Variants in CBL observed in about 807,000 individuals in gnomAD.
CBL encodes E3 ubiquitin-protein ligase CBL.
Under a neutral mutation model 96.9 loss-of-function variants are expected in CBL, and 45 were observed. That is an observed-to-expected ratio of 0.46 (90% CI 0.37 to 0.60). The LOEUF is 0.60. Ranked by LOEUF, CBL falls within the 20% of genes least tolerant of loss-of-function variation. The pLI is 0.00. For synonymous variants in CBL, 420 were observed against 426.8 expected (o/e 0.98, Z 0.20); for missense variants, 1,024 against 1,143.5 (o/e 0.90, Z 1.51).
In CBL at chr11:119,232,707, AT is replaced by A. The variant is rs1358246056; in HGVS notation, c.443+13del. On this transcript the variant is annotated intron_variant, in intron 2 of 15. Transcript: ENST00000264033. The stretch of plus-strand genomic sequence containing the variant: ...AATTCTCAGCCTAGGTAATGGAGAA[AT>A]ACTACACAAATAATTATGCAGGTCT... The A allele has an allele frequency of 4.3e-6, 7 of 1,611,554 alleles. No homozygotes were observed. The highest frequency in any genetic ancestry group is 5.9e-6 in the Non-Finnish European group (7 of 1,179,364).
In CBL at chr11:119,219,192, A is replaced by C. The variant is rs973284426; in HGVS notation, c.195+12580A>C. Among the ~76,000 whole-genome samples, 13 of 152,278 alleles carry C rather than the reference A, an allele frequency of 8.5e-5. No homozygotes were observed. In the East Asian group the frequency reaches 9.6e-4, roughly 11 times the overall value. On this transcript the variant is annotated intron_variant, in intron 1 of 15. Transcript: ENST00000264033. Reference sequence around the variant, plus strand: ...CAGAAGTTGGAGACCAGCCTGGCCAACATGGTGATACCCTGTCTCTACTAA... The same window carrying C: ...CAGAAGTTGGAGACCAGCCTGGCCACCATGGTGATACCCTGTCTCTACTAA...
intron 11 of CBL, 108 bp from the exon 12 acceptor site, chr11:119,287,744 T>G: frequency 5.2e-6 from 4 of 773,220 alleles, no homozygotes; most frequent in Non-Finnish European, 6.9e-6. Context: ...GGCATGGCAT[T>G]GAGAGTTAGG....
rs1950108283 is a variant in CBL, at chr11:119,302,510, T to G, written c.*2729T>G. The G allele has an allele frequency of 4.3e-6, 1 of 232,734 alleles. No individual in the cohort carries two copies. Among genetic ancestry groups the G allele is most frequent in the African/African-American group, 2.2e-5 (1 of 45,318 alleles). 14.4% of individuals were successfully genotyped at this position (232,734 alleles called of 1,614,324 possible). ...TGCCATTTTGGGCAAGCCCTTCCGC[T>G]TGTCCCTTCCTAGTGGCTAATAAAG... On this transcript the variant is annotated 3_prime_UTR_variant, in exon 16 of 16. Transcript: ENST00000264033.
intron 1 of CBL, among the ~76,000 whole-genome samples, chr11:119,225,724 C>CTT (rs57084908): frequency 0.29 from 30,109 of 102,444 alleles, 5,719 homozygotes; most frequent in East Asian, 0.37. Context: ...TAAATATTTT[C>CTT]TTTTTTTTTT....
At chr11:119,253,270 A>G (rs1022125535) in intron 2 of CBL, among the ~76,000 whole-genome samples, 6 of 151,956 alleles carry the variant, frequency 3.9e-5, no homozygotes, top group African/African-American at 7.2e-5. Context: ...AGATTGTTAC[A>G]AAGTACTTAG....
intron 2 of CBL, among the ~76,000 whole-genome samples, chr11:119,256,819 T>C (rs1244605775): frequency 1.3e-5 from 2 of 152,154 alleles, no homozygotes; most frequent in African/African-American, 2.4e-5. Context: ...ACCTGTGATA[T>C]TTTGTTTTCC....
intron 2 of CBL, among the ~76,000 whole-genome samples, chr11:119,251,951 A>G (rs1182581468): frequency 6.6e-6 from 1 of 152,224 alleles, no homozygotes; most frequent in Non-Finnish European, 1.5e-5. Context: ...CTTTCCTGCC[A>G]GGCTTTAGTA....
chr11:119,304,443 A>G lies in CBL; in HGVS notation c.*4662A>G, dbSNP rs1950121372. ...GGATGCAGGGTATTTCGCAGAACCC[A>G]GGACGGGAAGTGCCTTTGGTTCTTG... On this transcript the variant is annotated 3_prime_UTR_variant, in exon 16 of 16. Transcript: ENST00000264033. The G allele has an allele frequency of 4.3e-6, 1 of 233,194 alleles. No individual in the cohort carries two copies. 14.4% of individuals were successfully genotyped at this position (233,194 alleles called of 1,614,324 possible).
intron 9 of CBL, among the ~76,000 whole-genome samples, chr11:119,282,340 A>C (rs577632691): frequency 6.8e-6 from 1 of 147,072 alleles, no homozygotes; most frequent in East Asian, 2.0e-4. Flanking sequence ...CTCCATCTCA[A>C]AAAAAAAAAA....
chr11:119,223,253 A>G (rs2135258824), intron 1 of CBL, among the ~76,000 whole-genome samples: 1 of 140,376 alleles, frequency 7.1e-6, no homozygotes. Flanking sequence ...GCTGGTCTCA[A>G]ACTCCTAGGT....
intron 12 of CBL, chr11:119,289,486 G>A (rs954600021): frequency 6.6e-6 from 1 of 151,290 alleles, no homozygotes; most frequent in Non-Finnish European, 1.5e-5. Flanking sequence ...ATATGAAAGT[G>A]GCTACATCAC....
rs1343043170 is a variant in CBL, at chr11:119,300,619, A to G, written c.*838A>G. On this transcript the variant is annotated 3_prime_UTR_variant, in exon 16 of 16. Transcript: ENST00000264033. The stretch of plus-strand genomic sequence containing the variant: ...GGTCACTCCAAAGCACTGTTTCTAT[A>G]GGAACATTGAAGCTATTAAGATGTT... 1.0e-5 allele frequency: 4 copies of G among 398,968 alleles called. No homozygotes were observed. The highest frequency in any genetic ancestry group is 8.2e-5 in the African/African-American group (4 of 48,652). The allele number at this position is 398,968 out of a possible 1,614,324, so 24.7% of individuals were successfully genotyped here.
At chr11:119,259,765 C>T (rs145519700) in intron 2 of CBL, among the ~76,000 whole-genome samples, 168 of 152,278 alleles carry the variant, frequency 1.1e-3, no homozygotes, top group African/African-American at 3.7e-3. Flanking sequence ...GTGAGAACAA[C>T]TAAAAAATTG....
At chr11:119,206,829 A>C (rs1949273603) in intron 1 of CBL, among the ~76,000 whole-genome samples, 3 of 148,434 alleles carry the variant, frequency 2.0e-5, no homozygotes, top group South Asian at 2.2e-4. Flanking sequence ...GAGTCGGGGA[A>C]CGCTGGGGTG....
At chr11:119,249,250 T>C (rs558297839) in intron 2 of CBL, among the ~76,000 whole-genome samples, 18 of 152,292 alleles carry the variant, frequency 1.2e-4, no homozygotes, top group African/African-American at 4.3e-4. Flanking sequence ...GGAATATTAT[T>C]CACTCATAAA....
At chr11:119,233,024 T>G (rs549637314) in intron 2 of CBL, among the ~76,000 whole-genome samples, 93 of 152,086 alleles carry the variant, frequency 6.1e-4, no homozygotes, top group Non-Finnish European at 7.5e-4. Context: ...AAGTGGAGTT[T>G]GGGAGTAAAT....
intron 11 of CBL, among the ~76,000 whole-genome samples, chr11:119,286,506 C>T (rs564531563): frequency 2.0e-5 from 3 of 152,150 alleles, no homozygotes; most frequent in African/African-American, 7.2e-5. Flanking sequence ...AAAGTGGATA[C>T]GGTTTTCAGA....
intron 2 of CBL, among the ~76,000 whole-genome samples, chr11:119,253,242 T>A (rs1030294632): frequency 4.6e-5 from 7 of 151,952 alleles, no homozygotes; most frequent in Non-Finnish European, 2.9e-5. Flanking sequence ...AAAAAAAATT[T>A]TTTTAAGTAT....
At chr11:119,282,428 G>C (rs1359729725) in intron 9 of CBL, among the ~76,000 whole-genome samples, 2 of 152,150 alleles carry the variant, frequency 1.3e-5, no homozygotes, top group African/African-American at 4.8e-5. Flanking sequence ...CTGTGCCTAA[G>C]GAATGAGAGA....
Sources: allele counts gnomAD v4.1 joint callset (sites outside exome capture counted in the v4.1 genomes callset), GRCh38; gene constraint gnomAD v4.1.1; transcripts MANE v1.5; gene names NCBI Gene and HGNC (gene_info 2026-07-23, HGNC 2026-07-21).